The following DLGAP1 variants were observed in gnomAD, a reference collection of about 807,000 sequenced individuals.
The protein encoded by DLGAP1 is DLG associated protein 1, also known as disks large-associated protein 1.
Under a neutral mutation model 90.8 loss-of-function variants are expected in DLGAP1, and 11 were observed. The observed-to-expected ratio is 0.12, with a 90% CI of 0.08 to 0.20. The LOEUF is 0.20. Among genes scored for constraint, DLGAP1 ranks in the 10% least tolerant of loss-of-function variants. The probability of loss-of-function intolerance (pLI) is 1.00; values close to 1 mark genes in which losing one functional copy is unlikely to be tolerated. For missense variants in DLGAP1, 1,050 were observed against 1,333.8 expected, an observed-to-expected ratio of 0.79 and a Z score of 3.31; for synonymous variants, 558 against 540.7, an observed-to-expected ratio of 1.03 and a Z score of -0.44.
intron 2 of DLGAP1, among the ~76,000 whole-genome samples, chr18:4,116,211 T>C (rs1473378618): frequency 6.6e-6 from 1 of 152,214 alleles, no homozygotes; most frequent in Non-Finnish European, 1.5e-5. Flanking sequence ...CCTCCAATAT[T>C]TCTAATAAGA....
intron 2 of DLGAP1, among the ~76,000 whole-genome samples, chr18:4,080,077 T>C (rs554868663): frequency 2.4e-4 from 36 of 152,310 alleles, no homozygotes; most frequent in Non-Finnish European, 4.9e-4. Flanking sequence ...TCTAGCTTGA[T>C]GACGTCTAGT....
chr18:3,563,724 C>T (rs1378477024), intron 9 of DLGAP1, among the ~76,000 whole-genome samples: 1 of 152,206 alleles, frequency 6.6e-6, no homozygotes, highest in Non-Finnish European at 1.5e-5. Flanking sequence ...CCACCTTGGC[C>T]TCCCAAAGTG....
chr18:4,203,404 G>A (rs1208140980), intron 1 of DLGAP1, among the ~76,000 whole-genome samples: 6 of 152,042 alleles, frequency 3.9e-5, no homozygotes, highest in African/African-American at 1.4e-4. Flanking sequence ...TTTGTCATGA[G>A]GAAATATTTT....
At chr18:3,571,220 G>A (rs2054763191) in intron 8 of DLGAP1, 1 of 151,740 alleles carries the variant, frequency 6.6e-6, no homozygotes, top group South Asian at 2.1e-4. Flanking sequence ...TTTGCTGGAT[G>A]AGATCTTGCT....
At chr18:3,518,663 A>G (rs2144087489) in intron 10 of DLGAP1, among the ~76,000 whole-genome samples, 1 of 152,330 alleles carries the variant, frequency 6.6e-6, no homozygotes, top group Non-Finnish European at 1.5e-5. Context: ...GATCTTGGGA[A>G]AGTTGATCAG....
chr18:3,711,418 C>G lies in DLGAP1; in HGVS notation c.1591+17717G>C, dbSNP rs186288073. On this transcript the variant is annotated intron_variant, in intron 7 of 12. Transcript: ENST00000315677. The surrounding 1 kb of genome is among the most constrained non-coding windows in gnomAD (Gnocchi z 4.0). ...TATATGCCCAATTAGTCTATTGGAA[C>G]AAAAATAGAATGTAAAACAAAAAAT... Among the ~76,000 whole-genome samples, 165 of 152,246 alleles carry G rather than the reference C, an allele frequency of 1.1e-3. 1 individual carries two copies. The highest frequency in any genetic ancestry group is 3.9e-3 in the African/African-American group (161 of 41,546).
intron 2 of DLGAP1, among the ~76,000 whole-genome samples, chr18:4,016,750 C>A (rs149290913): frequency 1.3e-5 from 2 of 152,182 alleles, no homozygotes; most frequent in Non-Finnish European, 2.9e-5. Flanking sequence ...GAGGCTCCAG[C>A]GGAGTCAGCA....
intron 7 of DLGAP1, among the ~76,000 whole-genome samples, chr18:3,707,865 G>A (rs1348333899): frequency 6.6e-6 from 1 of 152,118 alleles, no homozygotes; most frequent in Non-Finnish European, 1.5e-5. Flanking sequence ...GGGCCACTGG[G>A]TGACTTGGTG....
chr18:4,298,665 C>T (rs931570507), intron 1 of DLGAP1, among the ~76,000 whole-genome samples: 11 of 151,960 alleles, frequency 7.2e-5, no homozygotes, highest in African/African-American at 2.4e-4. Flanking sequence ...GGAGATATAC[C>T]TAATGCTAGA....
chr18:3,806,202 A>G (rs2066550022), intron 5 of DLGAP1, among the ~76,000 whole-genome samples: 1 of 152,256 alleles, frequency 6.6e-6, no homozygotes, highest in African/African-American at 2.4e-5. Context: ...CTGACAAAAT[A>G]GTAACCTGTA....
chr18:3,862,745 T>C (rs1361404067), intron 4 of DLGAP1, among the ~76,000 whole-genome samples: 2 of 152,250 alleles, frequency 1.3e-5, no homozygotes, highest in Non-Finnish European at 2.9e-5. Flanking sequence ...GTATGTTACA[T>C]AATTGACTCC....
In DLGAP1 at chr18:3,990,940, C is replaced by A. The variant is rs541289875; in HGVS notation, c.-73+14176G>T. The stretch of plus-strand genomic sequence containing the variant: ...TTTTGGCAAAATGGTTATTTTTTTT[C>A]TAAAATGTATGTTATTTATGTGAAG... On this transcript the variant is annotated intron_variant, in intron 3 of 12. Coordinates refer to ENST00000315677, the MANE Select transcript of DLGAP1 (RefSeq NM_004746.4). Among the ~76,000 whole-genome samples, 21 of 151,254 alleles carry A rather than the reference C, an allele frequency of 1.4e-4. No individual in the cohort carries two copies. In the South Asian group the frequency reaches 4.4e-3, roughly 31 times the overall value.
At chr18:4,246,623 C>G (rs1390194652) in intron 1 of DLGAP1, among the ~76,000 whole-genome samples, 1 of 152,142 alleles carries the variant, frequency 6.6e-6, no homozygotes, top group African/African-American at 2.4e-5. Flanking sequence ...TGTGTCTCCC[C>G]ACACACCCAC....
At chr18:4,403,178 G>A (rs1368537674) in intron 1 of DLGAP1, among the ~76,000 whole-genome samples, 3 of 152,114 alleles carry the variant, frequency 2.0e-5, no homozygotes. Context: ...CTGTTTAAAA[G>A]TGTCCATTGT....
intron 2 of DLGAP1, among the ~76,000 whole-genome samples, chr18:4,131,281 T>C (rs1598452665): frequency 6.6e-6 from 1 of 152,190 alleles, no homozygotes; most frequent in Admixed American, 6.5e-5. Flanking sequence ...AGTCAAACCA[T>C]GTGTGGGCTC....
At chr18:3,733,579 AC>A (rs1189338118) in intron 6 of DLGAP1, among the ~76,000 whole-genome samples, 1 of 152,020 alleles carries the variant, frequency 6.6e-6, no homozygotes, top group Non-Finnish European at 1.5e-5. Flanking sequence ...CCCATTTTTG[AC>A]TTAAGGTATT....
At chr18:3,936,800 G>A (rs2072652049) in intron 3 of DLGAP1, among the ~76,000 whole-genome samples, 1 of 152,152 alleles carries the variant, frequency 6.6e-6, no homozygotes, top group African/African-American at 2.4e-5. Context: ...GGGGTAATGT[G>A]GCAACTGTTA....
At position 4,198,026 on chromosome 18, in the gene DLGAP1, C is replaced by T. The variant is rs528343195; in HGVS notation, c.-266-46739G>A. ...CACGAGATCAGGAGATCAAGACCAT[C>T]CTGGCTAACCCAGTGAAACCCCGTC... is the stretch of plus-strand genomic sequence containing the variant. On this transcript the variant is annotated intron_variant, in intron 1 of 12. Coordinates refer to ENST00000315677, the MANE Select transcript of DLGAP1 (RefSeq NM_004746.4). 2.8e-4 allele frequency among the ~76,000 whole-genome samples: 42 copies of T among 152,134 alleles called. 1 individual carries two copies. The South Asian group carries it at 8.1e-3, about 29-fold the overall frequency.
intron 4 of DLGAP1, among the ~76,000 whole-genome samples, chr18:3,819,241 C>T (rs149053618): frequency 2.8e-4 from 43 of 152,048 alleles, no homozygotes; most frequent in South Asian, 1.2e-3. Flanking sequence ...ACCTGGGAGG[C>T]GGAGGTTGCA....
Sources: allele counts gnomAD v4.1 joint callset (sites outside exome capture counted in the v4.1 genomes callset), GRCh38; gene constraint gnomAD v4.1.1; non-coding constraint Gnocchi (gnomAD v3.1); transcripts MANE v1.5; gene names NCBI Gene and HGNC (gene_info 2026-07-23, HGNC 2026-07-21).